Variants in MVB12B observed in about 807,000 individuals in gnomAD.
MVB12B encodes the protein ESCRT-I complex subunit MVB12B.
In MVB12B, 16 loss-of-function variants were observed where a neutral mutation model predicts 41.6. That is an observed-to-expected ratio of 0.38 (90% CI 0.26 to 0.58). The LOEUF (loss-of-function observed/expected upper bound fraction) is 0.58, where lower values mean the gene tolerates loss of function less well. Ranked by LOEUF, MVB12B falls within the 20% of genes least tolerant of loss-of-function variation. The pLI, the probability that MVB12B is intolerant of heterozygous loss-of-function variation, is 0.62. For synonymous variants in MVB12B, 133 were observed against 139.7 expected (o/e 0.95, Z 0.34); for missense variants, 274 against 380.2 (o/e 0.72, Z 2.32).
At chr9:126,335,498 G>T in intron 1 of MVB12B, 1 of 900,576 alleles carries the variant, frequency 1.1e-6, no homozygotes, top group Non-Finnish European at 1.6e-6. Flanking sequence ...CCTCCTTGGG[G>T]ACAGGCAGTC....
intron 1 of MVB12B, among the ~76,000 whole-genome samples, chr9:126,330,864 T>C (rs1829110940): frequency 6.6e-6 from 1 of 152,108 alleles, no homozygotes; most frequent in South Asian, 2.1e-4. Context: ...TCATACAGTA[T>C]TTGTCTTTTT....
intron 7 of MVB12B, among the ~76,000 whole-genome samples, chr9:126,452,503 G>A (rs745640827): frequency 7.9e-5 from 12 of 152,176 alleles, no homozygotes; most frequent in Non-Finnish European, 1.5e-4. Flanking sequence ...GGGGGCAGCC[G>A]GTGCAACACA....
intron 7 of MVB12B, among the ~76,000 whole-genome samples, chr9:126,456,710 G>A (rs1463685644): frequency 3.3e-5 from 5 of 152,136 alleles, no homozygotes; most frequent in African/African-American, 7.2e-5. Context: ...CCTGGGATAT[G>A]GGGTCTGAGG....
At chr9:126,479,409 T>C (rs905659369) in intron 7 of MVB12B, among the ~76,000 whole-genome samples, 1 of 152,216 alleles carries the variant, frequency 6.6e-6, no homozygotes, top group Admixed American at 6.5e-5. Flanking sequence ...TTTGTGGCTC[T>C]TCCAGACTCC....
chr9:126,415,381 A>G (rs1831785735), intron 6 of MVB12B, among the ~76,000 whole-genome samples: 1 of 152,076 alleles, frequency 6.6e-6, no homozygotes, highest in Non-Finnish European at 1.5e-5. Context: ...ACTGACCAAT[A>G]AAGAGTCTTC....
At chr9:126,491,235 G>A (rs530573881) in intron 9 of MVB12B, among the ~76,000 whole-genome samples, 15 of 152,328 alleles carry the variant, frequency 9.8e-5, no homozygotes, top group Admixed American at 8.5e-4. Flanking sequence ...GGGCTTCTGC[G>A]GGTCTCTTCA....
intron 2 of MVB12B, among the ~76,000 whole-genome samples, chr9:126,365,989 C>T (rs735290): frequency 0.16 from 24,846 of 152,086 alleles, 2,708 homozygotes; most frequent in East Asian, 0.43. Flanking sequence ...AGATTAATCC[C>T]AGTAGGTGAG....
intron 2 of MVB12B, among the ~76,000 whole-genome samples, chr9:126,372,949 C>A (rs1294365405): frequency 6.6e-6 from 1 of 152,054 alleles, no homozygotes; most frequent in African/African-American, 2.4e-5. Flanking sequence ...AAAGACCTGT[C>A]TGAGAAGGAG....
rs1243709835 is a variant in MVB12B at position 126,503,663 on chromosome 9, A to G, written c.*400A>G. ...GTCACCTACCAGGGCAGACCCCACT[A>G]AGCCGTTGAGTCTCTTCCTGGAAGA... is the stretch of plus-strand genomic sequence containing the variant. On this transcript the variant is annotated 3_prime_UTR_variant, in exon 10 of 10. Coordinates refer to ENST00000361171, the MANE Select transcript of MVB12B (RefSeq NM_033446.3). 4.3e-6 allele frequency: 1 copy of G among 234,704 alleles called. No individual in the cohort carries two copies. The highest frequency in any genetic ancestry group is 2.3e-5 in the African/African-American group (1 of 43,762). 14.5% of individuals were successfully genotyped at this position (234,704 alleles called of 1,614,324 possible).
In MVB12B at chr9:126,504,272, C is replaced by G. The variant is rs1012648755; in HGVS notation, c.*1009C>G. On this transcript the variant is annotated 3_prime_UTR_variant, in exon 10 of 10. Transcript: ENST00000361171. ...CCGAGTGCCCACTGGTGCTGGCGTC[C>G]TCAAAGTGCCGGGCGCCAAGTTCAG... The G allele has an allele frequency of 6.6e-6, 1 of 152,266 alleles. No individual in the cohort carries two copies. The highest frequency in any genetic ancestry group is 1.5e-5 in the Non-Finnish European group (1 of 68,046). 9.4% of individuals were successfully genotyped at this position (152,266 alleles called of 1,614,324 possible).
At chr9:126,372,509 A>G (rs1007281235) in intron 2 of MVB12B, among the ~76,000 whole-genome samples, 14 of 152,248 alleles carry the variant, frequency 9.2e-5, no homozygotes, top group Non-Finnish European at 4.4e-5. Flanking sequence ...GAGGGCTCGC[A>G]TTCGTCCACA....
At chr9:126,372,072 A>G (rs538687300) in intron 2 of MVB12B, among the ~76,000 whole-genome samples, 3 of 152,308 alleles carry the variant, frequency 2.0e-5, no homozygotes, top group South Asian at 4.1e-4. Flanking sequence ...GGCAGCACCA[A>G]TCCACTTTCT....
intron 7 of MVB12B, among the ~76,000 whole-genome samples, chr9:126,445,106 A>C (rs1832733708): frequency 6.6e-6 from 1 of 152,216 alleles, no homozygotes; most frequent in Non-Finnish European, 1.5e-5. Context: ...ATTTTGATTG[A>C]AAAAAACATT....
chr9:126,397,146 C>G lies in MVB12B; in HGVS notation c.662+1449C>G, dbSNP rs1046818558. ...CCTTGCAGAGGCTGGAAAGCCCCCACAGGAGCAGTTGCCCTGAAGTTGTTA... is the reference window on the plus strand; with the variant it reads ...CCTTGCAGAGGCTGGAAAGCCCCCAGAGGAGCAGTTGCCCTGAAGTTGTTA... On this transcript the variant is annotated intron_variant, in intron 6 of 9. Coordinates refer to ENST00000361171, the MANE Select transcript of MVB12B (RefSeq NM_033446.3). The G allele has an allele frequency of 1.9e-5, 19 of 985,420 alleles. No individual in the cohort carries two copies. In the South Asian group the frequency reaches 8.5e-4, roughly 44 times the overall value. The allele number at this position is 985,420 out of a possible 1,614,324, so 61.0% of individuals were successfully genotyped here. A position where few individuals can be genotyped will look rare whatever the true frequency, so the allele number is the denominator to read the frequency against.
Position 126,478,551 on chromosome 9 carries a change from A to G in MVB12B, c.758-2818A>G, listed in dbSNP as rs529612329. Among the ~76,000 whole-genome samples, 2 of 152,294 alleles carry G rather than the reference A, an allele frequency of 1.3e-5. No homozygotes were observed. Among genetic ancestry groups the G allele is most frequent in the East Asian group, 1.9e-4 (1 of 5,174 alleles). On this transcript the variant is annotated intron_variant, in intron 7 of 9. Transcript: ENST00000361171. This position sits in a 1 kb window ranked among gnomAD's most constrained non-coding sequence, Gnocchi z 4.2. ...AGGAGAGGCACTCAGAAGACTGGGA[A>G]GGACAGTTGAGGTACAAGCATAGAG... is the stretch of plus-strand genomic sequence containing the variant.
intron 1 of MVB12B, among the ~76,000 whole-genome samples, chr9:126,335,568 C>T (rs1418123511): frequency 1.3e-5 from 2 of 152,300 alleles, no homozygotes; most frequent in African/African-American, 4.8e-5. Context: ...TCAGTAATCC[C>T]GGGGCACCAG....
intron 2 of MVB12B, among the ~76,000 whole-genome samples, chr9:126,351,861 TC>T (rs1829758337): frequency 6.6e-6 from 1 of 152,222 alleles, no homozygotes; most frequent in South Asian, 2.1e-4. Context: ...TTGAGGGAGT[TC>T]CTTTCCATTC....
chr9:126,342,943 T>C (rs1829488612), intron 2 of MVB12B, among the ~76,000 whole-genome samples: 2 of 152,192 alleles, frequency 1.3e-5, no homozygotes, highest in African/African-American at 4.8e-5. Flanking sequence ...TTGTAGCTGC[T>C]GTAGGATTAA....
chr9:126,446,511 C>CAAAAAA (rs34637951), intron 7 of MVB12B, among the ~76,000 whole-genome samples: 2 of 113,782 alleles, frequency 1.8e-5, no homozygotes, highest in Non-Finnish European at 1.9e-5. Context: ...AAAAGAACAC[C>CAAAAAA]AAAAAAAAAA....
Sources: gnomAD v4.1 joint callset for allele counts (sites outside exome capture counted in the v4.1 genomes callset) on GRCh38, gnomAD v4.1.1 for gene constraint, Gnocchi (gnomAD v3.1) non-coding constraint, MANE v1.5 for transcripts, NCBI Gene and HGNC (gene_info 2026-07-23, HGNC 2026-07-21) for gene names.